The following EHMT1 variants were observed in gnomAD, a reference collection of about 807,000 sequenced individuals.
EHMT1 encodes the protein histone-lysine N-methyltransferase EHMT1.
In EHMT1, 15 loss-of-function variants were observed where a neutral mutation model predicts 147.2. The ratio of observed to expected loss-of-function variants is 0.10; its 90% CI spans 0.07 to 0.16. EHMT1 has a LOEUF of 0.16. Among genes scored for constraint, EHMT1 ranks in the 10% least tolerant of loss-of-function variants. The pLI is 1.00. For missense variants in EHMT1, 1,587 were observed against 1,772.4 expected, an observed-to-expected ratio of 0.90 and a Z score of 1.88; for synonymous variants, 795 against 709.6, an observed-to-expected ratio of 1.12 and a Z score of -1.91.
intron 6 of EHMT1, 129 bp from the exon 7 acceptor site, chr9:137,752,202 C>T (rs1284836991): frequency 2.6e-6 from 3 of 1,152,696 alleles, no homozygotes; most frequent in Non-Finnish European, 2.5e-6. Flanking sequence ...CCCCGCCCCG[C>T]GAGCGTCTCC....
intron 1 of EHMT1, among the ~76,000 whole-genome samples, chr9:137,686,771 C>T (rs1332686420): frequency 6.7e-6 from 1 of 148,336 alleles, no homozygotes; most frequent in African/African-American, 2.5e-5. Context: ...CGCTCTGTCA[C>T]CCAGGCTAGA....
intron 1 of EHMT1, chr9:137,676,609 A>G (rs561969086): frequency 6.6e-6 from 1 of 152,546 alleles, no homozygotes; most frequent in South Asian, 2.1e-4. Flanking sequence ...GAGTCCCCGG[A>G]GAATCTCCGC....
intron 25 of EHMT1, chr9:137,823,415 ATTT>A (rs34191568): frequency 8.4e-4 from 273 of 326,140 alleles, no homozygotes; most frequent in East Asian, 1.7e-3. Context: ...CGCCTGGGTA[ATTT>A]TTTTTTTTTT....
intron 24 of EHMT1, 176 bp from the exon 25 acceptor site, chr9:137,817,884 C>G: frequency 1.5e-6 from 1 of 685,102 alleles, no homozygotes; most frequent in South Asian, 1.7e-5. Flanking sequence ...TCATCATCCT[C>G]CGGACCCTCA....
chr9:137,702,745 C>T (rs574143009), intron 1 of EHMT1, among the ~76,000 whole-genome samples: 2 of 152,332 alleles, frequency 1.3e-5, no homozygotes, highest in Non-Finnish European at 2.9e-5. Flanking sequence ...GGCTCCAGTC[C>T]CACATTTCCC....
In EHMT1 at chr9:137,787,876, G is replaced by A. The variant is rs936817165; in HGVS notation, c.2383-2972G>A. 5 of 1,234,458 alleles carry A rather than the reference G, an allele frequency of 4.1e-6. No homozygotes were observed. The East Asian group carries it at 9.3e-5, about 23-fold the overall frequency. 76.5% of individuals were successfully genotyped at this position (1,234,458 alleles called of 1,614,324 possible). On this transcript the variant is annotated intron_variant, in intron 15 of 26. Transcript: ENST00000460843. This position sits in a 1 kb window ranked among gnomAD's most constrained non-coding sequence, Gnocchi z 4.2. ...CATTGGGGATAGGAGGTGGGTGGGG[G>A]TGCCAAGGGCATTACCACATTGGGA... is the stretch of plus-strand genomic sequence containing the variant.
intron 3 of EHMT1, among the ~76,000 whole-genome samples, chr9:137,726,251 C>G (rs969638073): frequency 1.3e-5 from 2 of 152,270 alleles, no homozygotes; most frequent in Non-Finnish European, 2.9e-5. Flanking sequence ...CACTGAAGCT[C>G]TGTCTCCTTT....
intron 25 of EHMT1, among the ~76,000 whole-genome samples, chr9:137,829,394 G>C (rs575321024): frequency 6.6e-6 from 1 of 152,300 alleles, no homozygotes; most frequent in Non-Finnish European, 1.5e-5. Context: ...TCCCCCACTT[G>C]GACTTGATGG....
At chr9:137,679,342 T>A (rs1260332109) in intron 1 of EHMT1, among the ~76,000 whole-genome samples, 1 of 152,164 alleles carries the variant, frequency 6.6e-6, no homozygotes, top group Non-Finnish European at 1.5e-5. Context: ...AAACCACGGA[T>A]CAGGGGACTG....
chr9:137,628,339 T>G (rs775012428), intron 1 of EHMT1, among the ~76,000 whole-genome samples: 1 of 152,252 alleles, frequency 6.6e-6, no homozygotes. Flanking sequence ...TGTGTCTCTT[T>G]CCTGCTTTTC....
chr9:137,630,611 G>A (rs1432712218), intron 1 of EHMT1, among the ~76,000 whole-genome samples: 1 of 152,178 alleles, frequency 6.6e-6, no homozygotes, highest in African/African-American at 2.4e-5. Flanking sequence ...CCTCGTGAGT[G>A]TATGTGTTTT....
chr9:137,620,574 T>G (rs1842893966), intron 1 of EHMT1, among the ~76,000 whole-genome samples: 1 of 152,120 alleles, frequency 6.6e-6, no homozygotes, highest in Admixed American at 6.6e-5. Context: ...ATTTTTTTGG[T>G]AGAGACCGGG....
At chr9:137,650,412 T>C (rs1937670200) in intron 1 of EHMT1, among the ~76,000 whole-genome samples, 1 of 152,136 alleles carries the variant, frequency 6.6e-6, no homozygotes, top group Non-Finnish European at 1.5e-5. Flanking sequence ...CCAGCTGTTG[T>C]TCATTTTTAA....
intron 1 of EHMT1, among the ~76,000 whole-genome samples, chr9:137,643,380 G>T (rs1355412705): frequency 8.4e-5 from 10 of 118,594 alleles, no homozygotes; most frequent in African/African-American, 3.3e-4. Flanking sequence ...TCACCCTCTC[G>T]CCCAGGCTGG....
chr9:137,655,079 A>G (rs1460937690), intron 1 of EHMT1, among the ~76,000 whole-genome samples: 6 of 151,160 alleles, frequency 4.0e-5, no homozygotes, highest in Non-Finnish European at 8.8e-5. Flanking sequence ...GCTCACTGCA[A>G]CCTCCTCCTC....
chr9:137,678,635 GT>G (rs1359903152), intron 1 of EHMT1, among the ~76,000 whole-genome samples: 5 of 151,774 alleles, frequency 3.3e-5, no homozygotes. Flanking sequence ...TATATACCAG[GT>G]TTTTTTCTTA....
chr9:137,722,489 T>C (rs1273988263), intron 3 of EHMT1, among the ~76,000 whole-genome samples: 1 of 152,216 alleles, frequency 6.6e-6, no homozygotes. Context: ...GAGAACTTGC[T>C]GTGCTCCTGG....
chr9:137,724,875 A>T (rs1463022270), intron 3 of EHMT1, among the ~76,000 whole-genome samples: 19 of 129,142 alleles, frequency 1.5e-4, no homozygotes, highest in African/African-American at 5.6e-4. Flanking sequence ...CGTGGGGCAG[A>T]CGTGTGGCAT....
chr9:137,736,866 G>A (rs1467529522), intron 4 of EHMT1, among the ~76,000 whole-genome samples: 2 of 151,964 alleles, frequency 1.3e-5, no homozygotes, highest in African/African-American at 2.4e-5. Flanking sequence ...ACTCCAGCCT[G>A]GGTGACAGAG....
Sources: allele counts gnomAD v4.1 joint callset (sites outside exome capture counted in the v4.1 genomes callset), GRCh38; gene constraint gnomAD v4.1.1; non-coding constraint Gnocchi (gnomAD v3.1); transcripts MANE v1.5; gene names NCBI Gene and HGNC (gene_info 2026-07-23, HGNC 2026-07-21).